Variants in HMMR observed in about 807,000 individuals in gnomAD.
The protein encoded by HMMR is hyaluronan mediated motility receptor.
A neutral mutation model predicts 101.0 loss-of-function variants in HMMR; 108 were observed. That is an observed-to-expected ratio of 1.07 (90% CI 0.92 to 1.25). The LOEUF is 1.25. Among genes scored for constraint, HMMR ranks in the 50% most tolerant of loss-of-function variants. The pLI is 0.00. For missense variants in HMMR, 813 were observed against 788.7 expected (o/e 1.03, Z -0.37); for synonymous variants, 296 against 276.4 (o/e 1.07, Z -0.70).
At chr5:163,464,909 G>A in intron 3 of HMMR, 107 bp downstream of exon 3, 1 of 670,154 alleles carries the variant, frequency 1.5e-6, no homozygotes, top group Middle Eastern at 3.7e-4. Context: ...AAGGTTATAA[G>A]TAAATCTGTA....
rs1759693049 is a variant in HMMR, at chr5:163,491,466, C to T, written c.*302C>T. The T allele has an allele frequency of 4.8e-6, 1 of 209,804 alleles. No individual in the cohort carries two copies. Among genetic ancestry groups the T allele is most frequent in the African/African-American group, 2.3e-5 (1 of 43,374 alleles). 13.0% of individuals were successfully genotyped at this position (209,804 alleles called of 1,614,324 possible). ...ATATTATTATCCTCCTGTTCTGAAACCTTAGTTTCAAGAGTCTAAACCCCA... is the reference window on the plus strand; with the variant it reads ...ATATTATTATCCTCCTGTTCTGAAATCTTAGTTTCAAGAGTCTAAACCCCA... On this transcript the variant is annotated 3_prime_UTR_variant, in exon 18 of 18. Transcript: ENST00000393915.
chr5:163,477,308 A>G (rs1759099096), intron 11 of HMMR, among the ~76,000 whole-genome samples: 1 of 152,216 alleles, frequency 6.6e-6, no homozygotes. Flanking sequence ...GCAAATATTT[A>G]AATCCTTGGG....
chr5:163,468,249 C>A (rs1037343493), intron 4 of HMMR, among the ~76,000 whole-genome samples: 1 of 152,150 alleles, frequency 6.6e-6, no homozygotes. Context: ...TAGCTACTCA[C>A]CACATGTGAT....
intron 11 of HMMR, among the ~76,000 whole-genome samples, chr5:163,478,353 C>G (rs778436691): frequency 2.6e-5 from 4 of 152,132 alleles, no homozygotes; most frequent in Non-Finnish European, 5.9e-5. Flanking sequence ...TTTATTCAAT[C>G]CAGATGTTTT....
At position 163,474,192 on chromosome 5, in the gene HMMR, T is replaced by C; in HGVS notation, c.1040T>C (p.Leu347Pro). The C allele has an allele frequency of 6.2e-7, 1 of 1,604,666 alleles. No individual in the cohort carries two copies. Among genetic ancestry groups the C allele is most frequent in the Non-Finnish European group, 8.5e-7 (1 of 1,176,276 alleles). The change falls in exon 10 of 18, where the codon CTG becomes CCG. Residue 347 changes from leucine (L) to proline (P), a missense_variant. Transcript: ENST00000393915. ...QQKELQIDSL[L>P]QQEKELSSSL... ...AAAGAATTACAAATTGATTCACTTC[T>C]GCAACAAGAGAAAGTAATTTACCAC...
At chr5:163,472,075 G>T (rs1757606549) in intron 7 of HMMR, among the ~76,000 whole-genome samples, 1 of 150,272 alleles carries the variant, frequency 6.7e-6, no homozygotes, top group Admixed American at 6.6e-5. Flanking sequence ...TAGAGATGGG[G>T]CATTGCTTTG....
Position 163,473,163 on chromosome 5 carries a change from G to A in HMMR, c.651-16G>A, listed in dbSNP as rs918584321. 3.1e-6 allele frequency: 4 copies of A among 1,286,596 alleles called. No individual in the cohort carries two copies. The highest frequency in any genetic ancestry group is 3.4e-6 in the Non-Finnish European group (3 of 890,680). 79.7% of individuals were successfully genotyped at this position (1,286,596 alleles called of 1,614,324 possible). Reference sequence around the variant, plus strand: ...ACGAAACTAGAATGTATTAACATATGCAATTTTTGTTTTAGTGTTTCAATA... The same window carrying A: ...ACGAAACTAGAATGTATTAACATATACAATTTTTGTTTTAGTGTTTCAATA... On this transcript the variant is annotated splice_polypyrimidine_tract_variant and intron_variant, in intron 7 of 17. Transcript: ENST00000393915.
intron 5 of HMMR, among the ~76,000 whole-genome samples, chr5:163,470,291 A>G (rs936271523): frequency 6.6e-6 from 1 of 152,164 alleles, no homozygotes; most frequent in Non-Finnish European, 1.5e-5. Flanking sequence ...ACTTTCCAGC[A>G]TATAGAGGTA....
At chr5:163,476,298 C>T (rs1212416794) in intron 11 of HMMR, among the ~76,000 whole-genome samples, 2 of 152,054 alleles carry the variant, frequency 1.3e-5, no homozygotes, top group African/African-American at 4.8e-5. Flanking sequence ...GCCTGAGCAA[C>T]AGAGTGAGAC....
At chr5:163,476,630 A>G (rs1201491811) in intron 11 of HMMR, among the ~76,000 whole-genome samples, 1 of 152,176 alleles carries the variant, frequency 6.6e-6, no homozygotes, top group African/African-American at 2.4e-5. Flanking sequence ...TGGGCAACGT[A>G]GCACAAGATG....
At chr5:163,470,293 A>G (rs1423016210) in intron 5 of HMMR, among the ~76,000 whole-genome samples, 3 of 152,108 alleles carry the variant, frequency 2.0e-5, no homozygotes, top group Admixed American at 2.0e-4. Context: ...TTTCCAGCAT[A>G]TAGAGGTAAG....
chr5:163,473,342 A>T (rs1408578407), intron 8 of HMMR, 37 bp from the exon 9 acceptor site: 2 of 1,561,168 alleles, frequency 1.3e-6, no homozygotes, highest in Admixed American at 3.5e-5. Context: ...CTGTGCCTAA[A>T]TAGATGTGCT....
intron 12 of HMMR, among the ~76,000 whole-genome samples, chr5:163,482,202 C>A (rs1373483378): frequency 6.6e-6 from 1 of 152,220 alleles, no homozygotes; most frequent in Non-Finnish European, 1.5e-5. Context: ...CAGGCATGAG[C>A]CACCACGCCC....
rs1240354563 is a variant in HMMR at position 163,483,085 on chromosome 5, C to A, written c.1598C>A (p.Ser533Tyr). The change falls in exon 14 of 18, where the codon TCT becomes TAT. Residue 533 changes from serine to tyrosine, a missense_variant. By Grantham distance (144) the Ser-to-Tyr change is moderately radical. Coordinates refer to ENST00000393915, the MANE Select transcript of HMMR (RefSeq NM_001142556.2). Reference protein sequence around the residue: ...KETEIKEITVSFLQKITDLQN... With the variant: ...KETEIKEITVYFLQKITDLQN... Reference sequence around the variant, plus strand: ...ACAGAAATTAAAGAAATCACAGTTTCTTTTCTTCAAAAAATAACTGATTTG... The same window carrying A: ...ACAGAAATTAAAGAAATCACAGTTTATTTTCTTCAAAAAATAACTGATTTG... 3 of 1,612,244 alleles carry A rather than the reference C, an allele frequency of 1.9e-6. No individual in the cohort carries two copies. Among genetic ancestry groups the A allele is most frequent in the African/African-American group, 2.7e-5 (2 of 74,856 alleles).
intron 12 of HMMR, among the ~76,000 whole-genome samples, chr5:163,479,110 T>G (rs951049529): frequency 2.0e-5 from 3 of 152,224 alleles, no homozygotes; most frequent in African/African-American, 7.2e-5. Flanking sequence ...GATCAAGTCA[T>G]GTACTTAGAA....
chr5:163,481,989 C>G (rs1235032853), intron 12 of HMMR, among the ~76,000 whole-genome samples: 1 of 152,136 alleles, frequency 6.6e-6, no homozygotes, highest in East Asian at 1.9e-4. Context: ...TATCTCAGGT[C>G]ACTGCAACCT....
chr5:163,490,284 G>A, intron 16 of HMMR, 106 bp from the exon 17 acceptor site: 3 of 677,686 alleles, frequency 4.4e-6, no homozygotes, highest in Non-Finnish European at 7.5e-6. Flanking sequence ...GCTGTTGAGT[G>A]TGATAATACA....
chr5:163,460,681 C>G lies in HMMR; in HGVS notation c.-12C>G, dbSNP rs1434317656. On this transcript the variant is annotated 5_prime_UTR_variant, in exon 1 of 18. Coordinates refer to ENST00000393915, the MANE Select transcript of HMMR (RefSeq NM_001142556.2). ...TGCCAGTCACCTTCAGTTTCTGGAGCTGGCCGTCAACATGTCCTTTCCTAA... is the reference window on the plus strand; with the variant it reads ...TGCCAGTCACCTTCAGTTTCTGGAGGTGGCCGTCAACATGTCCTTTCCTAA... The G allele has an allele frequency of 1.2e-6, 2 of 1,602,366 alleles. No individual in the cohort carries two copies. The highest frequency in any genetic ancestry group is 1.7e-6 in the Non-Finnish European group (2 of 1,173,932).
intron 4 of HMMR, among the ~76,000 whole-genome samples, chr5:163,468,200 CATGGGTGAA>C (rs779774270): frequency 6.6e-6 from 1 of 152,216 alleles, no homozygotes; most frequent in Non-Finnish European, 1.5e-5. Flanking sequence ...AGGCCTTCCT[CATGGGTGAA>C]ATAACATAGA....
Sources: gnomAD v4.1 joint callset for allele counts (sites outside exome capture counted in the v4.1 genomes callset) on GRCh38, gnomAD v4.1.1 for gene constraint, MANE v1.5 for transcripts, NCBI Gene and HGNC (gene_info 2026-07-23, HGNC 2026-07-21) for gene names.